The following XPC variants were observed in gnomAD, a reference collection of about 807,000 sequenced individuals.
XPC encodes the protein DNA repair protein complementing XP-C cells.
XPC carries 76 observed loss-of-function variants against 95.8 expected under a neutral mutation model. The observed-to-expected ratio is 0.79, with a 90% CI of 0.66 to 0.96. XPC has a LOEUF of 0.96. Ranked by LOEUF, XPC falls within the 40% of genes least tolerant of loss-of-function variation. The pLI is 0.00. For missense variants in XPC, 1,146 were observed against 1,179.8 expected (o/e 0.97, Z 0.42); for synonymous variants, 442 against 442.1 (o/e 1.00, Z 0.00).
intron 10 of XPC, among the ~76,000 whole-genome samples, chr3:14,153,927 C>T (rs1230195869): frequency 2.0e-5 from 3 of 152,232 alleles, no homozygotes; most frequent in African/African-American, 4.8e-5. Context: ...GGCGGAACAT[C>T]TTTGACTGCC....
At chr3:14,150,246 G>A (rs973970528) in intron 11 of XPC, among the ~76,000 whole-genome samples, 46 of 152,350 alleles carry the variant, frequency 3.0e-4, no homozygotes, top group African/African-American at 1.0e-3. Context: ...ATGGGCGTGC[G>A]GCTGAGGGCT....
rs374783706 is a variant in XPC at position 14,148,927 on chromosome 3, G to A, written c.2137C>T (p.Arg713Cys). 6.6e-5 allele frequency: 106 copies of A among 1,613,836 alleles called. No individual in the cohort carries two copies. Among genetic ancestry groups the A allele is most frequent in the Middle Eastern group, 3.3e-4 (2 of 6,084 alleles). Residue 713 changes from arginine (R) to cysteine (C), a missense_variant, in exon 12 of 16, where the codon CGT becomes TGT. Physicochemically the swap from Arg to Cys is radical, Grantham distance 180. Coordinates refer to ENST00000285021, the MANE Select transcript of XPC (RefSeq NM_004628.5). ...PYKMVKGFSN[R>C]ARKARLAEPQ... is the part of the protein sequence containing the mutation. ...TCAGCAAGTCGGGCTTTCCGAGCAC[G>A]GTTAGAAAAGCCTTTCACCATCTGC...
chr3:14,167,861 T>C (rs973995269), intron 4 of XPC, among the ~76,000 whole-genome samples: 2 of 152,218 alleles, frequency 1.3e-5, no homozygotes, highest in African/African-American at 4.8e-5. Flanking sequence ...TCCTGCAGCA[T>C]GACATGGTGA....
chr3:14,148,753 G>C, intron 12 of XPC, 22 bp from the exon 13 acceptor site: 1 of 1,613,836 alleles, frequency 6.2e-7, no homozygotes, highest in South Asian at 1.1e-5. Context: ...GAGCAAGTCA[G>C]CATTTGGCCA....
rs185156847 is a variant in XPC at position 14,171,814 on chromosome 3, C to T, written c.299+1053G>A. ...CTCCAGCCTGGGCAACAGAGCGAGA[C>T]TCCATTAAGGACGGGACCGGGATGG... On this transcript the variant is annotated intron_variant, in intron 2 of 15. Coordinates refer to ENST00000285021, the MANE Select transcript of XPC (RefSeq NM_004628.5). Among the ~76,000 whole-genome samples the T allele has an allele frequency of 3.2e-4, 48 of 152,178 alleles. 1 individual carries two copies. Among genetic ancestry groups the T allele is most frequent in the South Asian group, 1.9e-3 (9 of 4,822 alleles).
chr3:14,170,032 T>C (rs1025626817), intron 3 of XPC, among the ~76,000 whole-genome samples: 1 of 152,220 alleles, frequency 6.6e-6, no homozygotes, highest in Non-Finnish European at 1.5e-5. Flanking sequence ...AAACATTCAG[T>C]GTTTACAGAG....
In XPC at chr3:14,178,578, C is replaced by G; in HGVS notation, c.-10G>C. 6.2e-7 allele frequency: 1 copy of G among 1,612,588 alleles called. No homozygotes were observed. Among genetic ancestry groups the G allele is most frequent in the Non-Finnish European group, 8.5e-7 (1 of 1,179,122 alleles). On this transcript the variant is annotated 5_prime_UTR_variant, in exon 1 of 16. Transcript: ENST00000285021. The stretch of plus-strand genomic sequence containing the variant: ...CGCGTTTCCGAGCCATGTTGCTTGT[C>G]TGGGCAAATTCCACTTCGCGAGTGA...
chr3:14,147,987 A>G lies in XPC; in HGVS notation c.2435T>C (p.Ile812Thr). Residue 812 changes from isoleucine to threonine, a missense_variant, in exon 14 of 16, where the codon ATC (isoleucine) becomes ACC (threonine). Physicochemically the swap from Ile to Thr is moderately conservative, Grantham distance 89. Transcript: ENST00000285021. Reference sequence around the variant, plus strand: ...CACGTCTTTGAATTCCTCGCAGACGATGTATCCATCAGTCCTGTGGGGACA... The same window carrying G: ...CACGTCTTTGAATTCCTCGCAGACGGTGTATCCATCAGTCCTGTGGGGACA... ...GYSHPVTDGY[I>T]VCEEFKDVLL... The G allele has an allele frequency of 6.3e-7, 1 of 1,589,412 alleles. No individual in the cohort carries two copies. Among genetic ancestry groups the G allele is most frequent in the Non-Finnish European group, 8.6e-7 (1 of 1,166,824 alleles).
intron 1 of XPC, among the ~76,000 whole-genome samples, chr3:14,178,145 G>A (rs1300737796): frequency 6.6e-6 from 1 of 152,190 alleles, no homozygotes; most frequent in Non-Finnish European, 1.5e-5. Flanking sequence ...TGGTCCGTCC[G>A]TCTGTCTTCC....
rs79376711 is a variant in XPC, at chr3:14,146,858, C to T, written c.2604+432G>A. Among the ~76,000 whole-genome samples the T allele has an allele frequency of 2.9e-3, 442 of 152,332 alleles. 2 individuals carry two copies. The highest frequency in any genetic ancestry group is 0.01 in the African/African-American group (434 of 41,572). On this transcript the variant is annotated intron_variant, in intron 15 of 15. Coordinates refer to ENST00000285021, the MANE Select transcript of XPC (RefSeq NM_004628.5). ...CCTTGAGGGCTGCATGTCAAATTCA[C>T]ACCTGTGTCCAAGCCTGGCCTGGCA...
chr3:14,161,335 G>A (rs1235479236), intron 7 of XPC, among the ~76,000 whole-genome samples: 4 of 152,118 alleles, frequency 2.6e-5, no homozygotes, highest in African/African-American at 7.2e-5. Context: ...CTTGTTCTAT[G>A]AGGCAAGCAT....
At chr3:14,147,493 G>C in intron 14 of XPC, 114 bp from the exon 15 acceptor site, 1 of 1,019,370 alleles carries the variant, frequency 9.8e-7, no homozygotes, top group Non-Finnish European at 1.5e-6. Flanking sequence ...TTAGAATATA[G>C]CCTCTCCTTC....
intron 11 of XPC, among the ~76,000 whole-genome samples, 191 bp from the exon 12 acceptor site, chr3:14,149,139 A>G (rs1695580825): frequency 6.6e-6 from 1 of 150,538 alleles, no homozygotes; most frequent in Non-Finnish European, 1.5e-5. Context: ...GCTGGAGTAC[A>G]GTGGTGCAAT....
In XPC at chr3:14,175,552, A is replaced by G. The variant is rs374956445; in HGVS notation, c.104-2490T>C. ...TCAATATTATCCTAGTACCTGGAAC[A>G]GTGTGTGAAAATAGTAGGCGCTCAA... On this transcript the variant is annotated intron_variant, in intron 1 of 15. Transcript: ENST00000285021. 5.9e-5 allele frequency among the ~76,000 whole-genome samples: 9 copies of G among 152,286 alleles called. No individual in the cohort carries two copies. The East Asian group carries it at 1.2e-3, about 20-fold the overall frequency.
In XPC at chr3:14,156,343, G is replaced by C. The variant is rs2125021674; in HGVS notation, c.2025C>G (p.Val675=). ...AILGYCRGEA[V]YSRDCVHTLH... ...CAGGCTGCCTCACGCACCTGGAGTAGACCGCTTCTCCACGACAATACCCAA... is the reference window on the plus strand; with the variant it reads ...CAGGCTGCCTCACGCACCTGGAGTACACCGCTTCTCCACGACAATACCCAA... Residue 675 remains valine, a synonymous_variant, in exon 10 of 16, where the codon GTC becomes GTG. Transcript: ENST00000285021. 1 of 1,613,638 alleles carries C rather than the reference G, an allele frequency of 6.2e-7. No individual in the cohort carries two copies. The highest frequency in any genetic ancestry group is 8.5e-7 in the Non-Finnish European group (1 of 1,179,746).
chr3:14,146,096 T>A lies in XPC; in HGVS notation c.2668A>T (p.Thr890Ser). 1 of 1,611,766 alleles carries A rather than the reference T, an allele frequency of 6.2e-7. No homozygotes were observed. Among genetic ancestry groups the A allele is most frequent in the Non-Finnish European group, 8.5e-7 (1 of 1,179,344 alleles). The change falls in exon 16 of 16, where the codon ACC (threonine) becomes TCC (serine). Residue 890 changes from threonine (T) to serine (S), a missense_variant. By Grantham distance (58) the Thr-to-Ser change is moderately conservative. Coordinates refer to ENST00000285021, the MANE Select transcript of XPC (RefSeq NM_004628.5). ...CTGGCCGCTTCTGCTTGAGAGCTGGTCCCCTCCTCTTCATCAGAAGAGAGT... is the reference window on the plus strand; with the variant it reads ...CTGGCCGCTTCTGCTTGAGAGCTGGACCCCTCCTCTTCATCAGAAGAGAGT... Reference protein sequence around the residue: ...GGLSSDEEEGTSSQAEAARIL... With the variant: ...GGLSSDEEEGSSSQAEAARIL...
intron 1 of XPC, among the ~76,000 whole-genome samples, chr3:14,175,200 C>T (rs1191063726): frequency 6.6e-6 from 1 of 152,096 alleles, no homozygotes; most frequent in Non-Finnish European, 1.5e-5. Context: ...GTTCTCTCTG[C>T]CTAGAACTCT....
Position 14,175,445 on chromosome 3 carries a change from G to GT in XPC, c.104-2384dup, listed in dbSNP as rs1028209779. On this transcript the variant is annotated intron_variant, in intron 1 of 15. Transcript: ENST00000285021. ...ATAGCTCTTATCATCATGTGAATCC[G>GT]TTTTTTTTTAACTTGTTATCTGCTC... is the stretch of plus-strand genomic sequence containing the variant. Among the ~76,000 whole-genome samples the GT allele has an allele frequency of 1.2e-3, 179 of 150,984 alleles. 3 individuals carry two copies. In the East Asian group the frequency reaches 0.026, roughly 22 times the overall value.
At position 14,148,411 on chromosome 3, in the gene XPC, G is replaced by C. The variant is rs1339199859; in HGVS notation, c.2420+151C>G. 3 of 1,059,560 alleles carry C rather than the reference G, an allele frequency of 2.8e-6. No homozygotes were observed. The African/African-American group carries it at 4.8e-5, about 17-fold the overall frequency. The allele number at this position is 1,059,560 out of a possible 1,614,324, so 65.6% of individuals were successfully genotyped here. On this transcript the variant is annotated intron_variant, in intron 13 of 15. Transcript: ENST00000285021. ...CTGGAGGGAAGCCAGAATTGGTAAA[G>C]CACTGACTTTGCAAATCCAGTGTAA...
Sources: allele counts gnomAD v4.1 joint callset (sites outside exome capture counted in the v4.1 genomes callset), GRCh38; gene constraint gnomAD v4.1.1; transcripts MANE v1.5; gene names NCBI Gene and HGNC (gene_info 2026-07-23, HGNC 2026-07-21).